Variants in PACRGL observed in about 807,000 individuals in gnomAD.
The protein encoded by PACRGL is parkin coregulated like.
In PACRGL, 38 loss-of-function variants were observed where a neutral mutation model predicts 34.5. The ratio of observed to expected loss-of-function variants is 1.10; its 90% CI spans 0.85 to 1.44. PACRGL has a LOEUF of 1.44. Ranked by LOEUF, PACRGL falls within the 40% of genes most tolerant of loss-of-function variation. The pLI is 0.00. For synonymous variants in PACRGL, 128 were observed against 100.1 expected, an observed-to-expected ratio of 1.28 and a Z score of -1.66; for missense variants, 305 against 281.4, an observed-to-expected ratio of 1.08 and a Z score of -0.60.
At chr4:20,716,104 T>C (rs1170089159) in intron 7 of PACRGL, 10 of 1,525,458 alleles carry the variant, frequency 6.6e-6, no homozygotes, top group Non-Finnish European at 8.8e-6. Flanking sequence ...AAATATTTAC[T>C]AGGACCCTGT....
At chr4:20,722,290 C>T (rs1031925086) in intron 7 of PACRGL, among the ~76,000 whole-genome samples, 2 of 152,242 alleles carry the variant, frequency 1.3e-5, no homozygotes, top group Admixed American at 6.5e-5. Flanking sequence ...GGCGATGCCT[C>T]GCCCTGCTTC....
At position 20,731,284 on chromosome 4, in the gene PACRGL, C is replaced by T. The variant is rs1472882150; in HGVS notation, c.*3943C>T. The T allele has an allele frequency of 1.8e-6, 1 of 547,718 alleles. No homozygotes were observed. The highest frequency in any genetic ancestry group is 2.3e-6 in the Non-Finnish European group (1 of 430,114). The allele number at this position is 547,718 out of a possible 1,614,324, so 33.9% of individuals were successfully genotyped here. A position where few individuals can be genotyped will look rare whatever the true frequency, so the allele number is the denominator to read the frequency against. ...AGATAGGGTCTTGCTATGTTGCCCA[C>T]ATTGGACTCAAAATCCTGGCCTTAA... On this transcript the variant is annotated 3_prime_UTR_variant, in exon 9 of 9. Transcript: ENST00000503585.
At chr4:20,746,050 T>C (rs1444751876) in intron 8 of PACRGL, among the ~76,000 whole-genome samples, 1 of 152,158 alleles carries the variant, frequency 6.6e-6, no homozygotes, top group Non-Finnish European at 1.5e-5. Context: ...GGATTATAAA[T>C]CATTCTACTA....
At chr4:20,718,251 A>C (rs1005415006) in intron 7 of PACRGL, among the ~76,000 whole-genome samples, 1 of 152,174 alleles carries the variant, frequency 6.6e-6, no homozygotes, top group African/African-American at 2.4e-5. Flanking sequence ...GGGGTTTTCT[A>C]GATATACAAT....
At chr4:20,718,656 C>G (rs933604206) in intron 7 of PACRGL, among the ~76,000 whole-genome samples, 1 of 152,276 alleles carries the variant, frequency 6.6e-6, no homozygotes, top group East Asian at 1.9e-4. Flanking sequence ...GTTGAACCAG[C>G]CTTGCATCCC....
At chr4:20,762,434 TTTTA>T in the PACRGL span, among the ~76,000 whole-genome samples, 1 of 152,218 alleles carries the variant, frequency 6.6e-6, no homozygotes, top group Non-Finnish European at 1.5e-5. Flanking sequence ...AATGATGATC[TTTTA>T]TTTATTCCCA....
rs559312862 is a variant in PACRGL at position 20,710,837 on chromosome 4, A to G, written c.366+1064A>G. Among the ~76,000 whole-genome samples, 11 of 152,262 alleles carry G rather than the reference A, an allele frequency of 7.2e-5. No homozygotes were observed. In the South Asian group the frequency reaches 2.3e-3, roughly 32 times the overall value. ...TGTTTTTCTTAATTTATTGCCGAGT[A>G]TTACAAGCAGTGTATTTTTATAGGT... On this transcript the variant is annotated intron_variant, in intron 5 of 8. Coordinates refer to ENST00000503585, the MANE Select transcript of PACRGL (RefSeq NM_001258345.3).
At chr4:20,752,063 T>TG (rs1189166243) in intron 8 of PACRGL, among the ~76,000 whole-genome samples, 1 of 143,088 alleles carries the variant, frequency 7.0e-6, no homozygotes, top group African/African-American at 2.5e-5. Context: ...GAGTTTTTTT[T>TG]TTTTTTTTTT....
chr4:20,721,969 C>T (rs1273763138), intron 7 of PACRGL, among the ~76,000 whole-genome samples: 3 of 152,220 alleles, frequency 2.0e-5, no homozygotes, highest in Non-Finnish European at 4.4e-5. Context: ...GTGGTGGGCT[C>T]CACCCAGTTT....
In PACRGL at chr4:20,709,751, C is replaced by T. The variant is rs923668094; in HGVS notation, c.344C>T (p.Pro115Leu). The change falls in exon 5 of 9, where the codon CCA becomes CTA. Residue 115 changes from proline (P) to leucine (L), a missense_variant. Coordinates refer to ENST00000503585, the MANE Select transcript of PACRGL (RefSeq NM_001258345.3). Reference protein sequence around the residue: ...ECPPESLSFDPLLITLAEGLR... With the variant: ...ECPPESLSFDLLLITLAEGLR... The stretch of plus-strand genomic sequence containing the variant: ...CCTCCTGAAAGTCTTTCATTTGATC[C>T]ACTTCTTATTACTTTAGCTGAGGTA... 1 of 1,605,344 alleles carries T rather than the reference C, an allele frequency of 6.2e-7. No homozygotes were observed. Among genetic ancestry groups the T allele is most frequent in the South Asian group, 1.1e-5 (1 of 90,780 alleles).
chr4:20,703,381 A>G (rs1421044342), intron 1 of PACRGL, among the ~76,000 whole-genome samples: 3 of 152,188 alleles, frequency 2.0e-5, no homozygotes, highest in Non-Finnish European at 4.4e-5. Context: ...TCAATGCCAT[A>G]GAAATACACA....
intron 7 of PACRGL, among the ~76,000 whole-genome samples, chr4:20,720,796 A>G (rs1742701694): frequency 6.6e-6 from 1 of 151,286 alleles, no homozygotes. Context: ...TCTGACAATT[A>G]TGTGTCTTGG....
chr4:20,742,870 CAG>C (rs1346469574), intron 8 of PACRGL, among the ~76,000 whole-genome samples: 2 of 152,174 alleles, frequency 1.3e-5, no homozygotes, highest in South Asian at 2.1e-4. Flanking sequence ...AGCGAAGTCT[CAG>C]GGTACAAAAA....
At position 20,712,784 on chromosome 4, in the gene PACRGL, T is replaced by C. The variant is rs779614639; in HGVS notation, c.367-4T>C. The C allele has an allele frequency of 1.1e-5, 17 of 1,488,312 alleles. No homozygotes were observed. In the Middle Eastern group the frequency reaches 5.4e-4, roughly 47 times the overall value. 92.2% of individuals were successfully genotyped at this position (1,488,312 alleles called of 1,614,324 possible). A position where few individuals can be genotyped will look rare whatever the true frequency, so the allele number is the denominator to read the frequency against. ...AAATCATGTTTCCTCTTGGTCTTTG[T>C]CAGGGTCTGAGAGAGACTAAGCATC... On this transcript the variant is annotated splice_polypyrimidine_tract_variant and splice_region_variant and intron_variant, in intron 5 of 8. Coordinates refer to ENST00000503585, the MANE Select transcript of PACRGL (RefSeq NM_001258345.3).
chr4:20,760,928 G>C, the PACRGL span, among the ~76,000 whole-genome samples: 1 of 152,204 alleles, frequency 6.6e-6, no homozygotes, highest in African/African-American at 2.4e-5. Context: ...GTTTGGTCAA[G>C]CATTATTCTG....
intron 7 of PACRGL, among the ~76,000 whole-genome samples, chr4:20,719,619 T>C (rs1742001098): frequency 1.3e-5 from 2 of 152,244 alleles, no homozygotes; most frequent in Admixed American, 1.3e-4. Context: ...GGTTGTTCAG[T>C]TTCCATGTAG....
rs1200797219 is a variant in PACRGL, at chr4:20,731,019, TAAAGAG to T, written c.*3682_*3687del. On this transcript the variant is annotated 3_prime_UTR_variant, in exon 9 of 9. Coordinates refer to ENST00000503585, the MANE Select transcript of PACRGL (RefSeq NM_001258345.3). ...AAAAGTAAGAACAACAATTTAAAAATAAAGAGAAAAACTAAAGAAACAACGGATTTC... is the reference window on the plus strand; with the variant it reads ...AAAAGTAAGAACAACAATTTAAAAATAAAAACTAAAGAAACAACGGATTTC... Among the ~76,000 whole-genome samples the T allele has an allele frequency of 6.6e-6, 1 of 152,162 alleles. No individual in the cohort carries two copies. The highest frequency in any genetic ancestry group is 1.5e-5 in the Non-Finnish European group (1 of 68,028).
intron 8 of PACRGL, among the ~76,000 whole-genome samples, chr4:20,748,654 C>G (rs1050651826): frequency 1.4e-5 from 2 of 141,188 alleles, no homozygotes; most frequent in Non-Finnish European, 3.0e-5. Flanking sequence ...ACTGGAATCA[C>G]AAAGCAAAAT....
At chr4:20,696,491 A>G (rs1330814902), upstream of PACRGL, 1 of 152,224 alleles carries the variant, frequency 6.6e-6, no homozygotes, top group Non-Finnish European at 1.5e-5. Flanking sequence ...CATCCTCTCA[A>G]CACAATTCCA....
Sources: gnomAD v4.1 joint callset for allele counts (sites outside exome capture counted in the v4.1 genomes callset) on GRCh38, gnomAD v4.1.1 for gene constraint, MANE v1.5 for transcripts, NCBI Gene and HGNC (gene_info 2026-07-23, HGNC 2026-07-21) for gene names.